The following LRP2 variants were observed in gnomAD, a reference collection of about 807,000 sequenced individuals.
The protein encoded by LRP2 is LDL receptor related protein 2.
A neutral mutation model predicts 531.0 loss-of-function variants in LRP2; 172 were observed. The ratio of observed to expected loss-of-function variants is 0.32; its 90% CI spans 0.29 to 0.37. The LOEUF is 0.37. Ranked by LOEUF, LRP2 falls within the 10% of genes least tolerant of loss-of-function variation. LRP2 has a pLI of 1.00. For missense variants in LRP2, 5,167 were observed against 5,868.3 expected, an observed-to-expected ratio of 0.88 and a Z score of 3.90; for synonymous variants, 1,992 against 2,027.6, an observed-to-expected ratio of 0.98 and a Z score of 0.47.
intron 1 of LRP2, among the ~76,000 whole-genome samples, chr2:169,327,790 G>A (rs1375633186): frequency 2.4e-4 from 28 of 115,820 alleles, no homozygotes; most frequent in African/African-American, 9.3e-4. Context: ...CAGCCGCCCC[G>A]TCTGGGAGGT....
At position 169,169,802 on chromosome 2, in the gene LRP2, A is replaced by G. The variant is rs1574091963; in HGVS notation, c.11397T>C (p.His3799=). ...CACTTGTACACTGAAAATATTCAGG[A>G]TGGCAGGTCCTCATCTCTGAAGAGA... The part of the protein sequence containing the change: ...DERDCEMRTC[H]PEYFQCTSGH... The change falls in exon 60 of 79, where the codon CAT becomes CAC. Residue 3799 remains histidine (H), a synonymous_variant. Transcript: ENST00000649046. 6.2e-7 allele frequency: 1 copy of G among 1,612,596 alleles called. No homozygotes were observed. Among genetic ancestry groups the G allele is most frequent in the Non-Finnish European group, 8.5e-7 (1 of 1,178,584 alleles).
intron 34 of LRP2, among the ~76,000 whole-genome samples, chr2:169,216,810 G>C (rs1012536785): frequency 6.6e-6 from 1 of 152,228 alleles, no homozygotes; most frequent in African/African-American, 2.4e-5. Flanking sequence ...AAGCTGCCAA[G>C]TACACTCCCT....
chr2:169,169,938 C>G, intron 59 of LRP2, 120 bp from the exon 60 acceptor site: 1 of 740,550 alleles, frequency 1.4e-6, no homozygotes, highest in Non-Finnish European at 2.4e-6. Flanking sequence ...TGGCTCACAG[C>G]AAACCCACAA....
chr2:169,281,180 G>C (rs537480458), intron 10 of LRP2, among the ~76,000 whole-genome samples: 4 of 152,312 alleles, frequency 2.6e-5, no homozygotes, highest in African/African-American at 9.6e-5. Context: ...CCAGCACTTT[G>C]AGGGACTGAG....
At chr2:169,280,681 TC>T (rs1429802559) in intron 10 of LRP2, among the ~76,000 whole-genome samples, 162 bp from the exon 11 acceptor site, 1 of 152,174 alleles carries the variant, frequency 6.6e-6, no homozygotes, top group Middle Eastern at 3.2e-3. Context: ...TAGCATTCTA[TC>T]CATTTTACAG....
chr2:169,346,184 AT>A (rs754881768), intron 1 of LRP2, among the ~76,000 whole-genome samples: 2 of 152,228 alleles, frequency 1.3e-5, no homozygotes, highest in African/African-American at 2.4e-5. Context: ...TCAATACAAT[AT>A]GATCCTTCTT....
Position 169,204,185 on chromosome 2 carries a change from T to C in LRP2, c.7802A>G (p.Tyr2601Cys), listed in dbSNP as rs755794851. 27 of 1,614,016 alleles carry C rather than the reference T, an allele frequency of 1.7e-5. No individual in the cohort carries two copies. The highest frequency in any genetic ancestry group is 2.2e-5 in the Non-Finnish European group (26 of 1,180,006). The change falls in exon 42 of 79, where the codon TAT becomes TGT. Residue 2601 changes from tyrosine (Y) to cysteine (C), a missense_variant. Tyr to Cys is a radical substitution (Grantham distance 194, BLOSUM62 -2). Coordinates refer to ENST00000649046, the MANE Select transcript of LRP2 (RefSeq NM_004525.3). ...AAVHAFGLTL[Y>C]GQYIYWTDLY... ...GTCAGTCCAGTAAATATACTGGCCATAGAGAGTCAAGCCAAAAGCATGAAC... is the reference window on the plus strand; with the variant it reads ...GTCAGTCCAGTAAATATACTGGCCACAGAGAGTCAAGCCAAAAGCATGAAC...
chr2:169,240,774 A>T (rs1016086667), intron 25 of LRP2: 1 of 613,356 alleles, frequency 1.6e-6, no homozygotes, highest in South Asian at 2.2e-5. Context: ...AAAGAAGTAA[A>T]AACACATAAC....
At chr2:169,242,906 A>G in intron 24 of LRP2, 50 bp downstream of exon 24, 1 of 1,381,666 alleles carries the variant, frequency 7.2e-7, no homozygotes, top group Non-Finnish European at 1.0e-6. Flanking sequence ...AATACTGGCA[A>G]AAATGAAATG....
intron 31 of LRP2, among the ~76,000 whole-genome samples, chr2:169,227,728 A>G (rs1006363001): frequency 3.3e-5 from 5 of 152,096 alleles, no homozygotes; most frequent in Admixed American, 6.6e-5. Flanking sequence ...TCTTGTTCCT[A>G]TCATTTCTAT....
chr2:169,230,246 C>T (rs1319721112), intron 31 of LRP2, among the ~76,000 whole-genome samples: 2 of 152,240 alleles, frequency 1.3e-5, no homozygotes, highest in Non-Finnish European at 2.9e-5. Context: ...GTTTAATCTT[C>T]TCCTGAAAGA....
chr2:169,247,907 G>A (rs952949590), intron 19 of LRP2, among the ~76,000 whole-genome samples: 2 of 152,146 alleles, frequency 1.3e-5, no homozygotes, highest in Non-Finnish European at 2.9e-5. Flanking sequence ...CAAATACTAC[G>A]CTGTGTGAAG....
intron 1 of LRP2, among the ~76,000 whole-genome samples, chr2:169,349,748 G>T (rs1685794521): frequency 6.6e-6 from 1 of 152,166 alleles, no homozygotes; most frequent in Non-Finnish European, 1.5e-5. Context: ...GGCAACTCTT[G>T]CTCCAGAGCT....
intron 33 of LRP2, among the ~76,000 whole-genome samples, chr2:169,225,109 A>G (rs1346123517): frequency 1.3e-5 from 2 of 151,912 alleles, no homozygotes; most frequent in African/African-American, 4.8e-5. Context: ...ATAAATAAAT[A>G]AATAAAAATA....
chr2:169,148,457 A>G (rs1312100314), intron 68 of LRP2, among the ~76,000 whole-genome samples: 2 of 152,164 alleles, frequency 1.3e-5, no homozygotes, highest in Non-Finnish European at 2.9e-5. Flanking sequence ...TACCATACAT[A>G]CCATATGTGA....
At chr2:169,289,360 G>A (rs1026856090) in intron 8 of LRP2, among the ~76,000 whole-genome samples, 2 of 152,030 alleles carry the variant, frequency 1.3e-5, no homozygotes, top group Non-Finnish European at 2.9e-5. Context: ...GACCAGCCTG[G>A]GTAATGTAGC....
intron 1 of LRP2, among the ~76,000 whole-genome samples, chr2:169,327,181 G>A (rs1170857190): frequency 6.9e-6 from 1 of 144,606 alleles, no homozygotes; most frequent in Admixed American, 6.8e-5. Flanking sequence ...CAGGAGGGAG[G>A]TGGGGGGGTC....
intron 10 of LRP2, among the ~76,000 whole-genome samples, chr2:169,282,108 A>G (rs1266428381): frequency 6.6e-6 from 1 of 152,222 alleles, no homozygotes; most frequent in East Asian, 1.9e-4. Context: ...CGCTGAACCT[A>G]AAAGTTACTA....
chr2:169,269,373 C>G (rs1173351133), intron 16 of LRP2, among the ~76,000 whole-genome samples: 8 of 152,144 alleles, frequency 5.3e-5, no homozygotes, highest in Non-Finnish European at 8.8e-5. Context: ...GCTACAGTAA[C>G]CAAAACAGCA....
Sources: allele counts gnomAD v4.1 joint callset (sites outside exome capture counted in the v4.1 genomes callset), GRCh38; gene constraint gnomAD v4.1.1; transcripts MANE v1.5; gene names NCBI Gene and HGNC (gene_info 2026-07-23, HGNC 2026-07-21).